NTRK3: variants seen among roughly 807,000 people sequenced by gnomAD.
NTRK3 encodes the protein neurotrophic receptor tyrosine kinase 3, also known as NT-3 growth factor receptor.
In NTRK3, 24 loss-of-function variants were observed where a neutral mutation model predicts 91.7. That is an observed-to-expected ratio of 0.26 (90% confidence interval 0.19 to 0.37). NTRK3 has a LOEUF of 0.37. NTRK3 is among the 10% of genes least tolerant of loss of function. The pLI, the probability that NTRK3 is intolerant of heterozygous loss-of-function variation, is 1.00. For missense variants in NTRK3, 880 were observed against 1,068.9 expected (o/e 0.82, Z 2.46); for synonymous variants, 483 against 404.0 (o/e 1.20, Z -2.34).
chr15:88,207,245 C>T (rs2048873508), intron 3 of NTRK3, among the ~76,000 whole-genome samples: 1 of 152,170 alleles, frequency 6.6e-6, no homozygotes, highest in African/African-American at 2.4e-5. Context: ...TCCCCAGGCA[C>T]CTGCCTCCAG....
intron 13 of NTRK3, among the ~76,000 whole-genome samples, chr15:88,039,356 C>G (rs755570576): frequency 2.8e-4 from 43 of 152,214 alleles, no homozygotes; most frequent in Admixed American, 7.9e-4. Context: ...CACAGACTCT[C>G]AATATCATAT....
intron 17 of NTRK3, among the ~76,000 whole-genome samples, chr15:87,881,150 G>A (rs1184377322): frequency 6.6e-6 from 1 of 152,168 alleles, no homozygotes; most frequent in Non-Finnish European, 1.5e-5. Context: ...AACACCCAGG[G>A]TACCCTTTAC....
At position 87,875,618 on chromosome 15, in the gene NTRK3, C is replaced by T. The variant is rs2064927268; in HGVS notation, c.*1317G>A. The T allele has an allele frequency of 1.3e-5, 3 of 232,852 alleles. No homozygotes were observed. The East Asian group carries it at 1.8e-4, about 14-fold the overall frequency. 14.4% of individuals were successfully genotyped at this position (232,852 alleles called of 1,614,324 possible). A position where few individuals can be genotyped will look rare whatever the true frequency, so the allele number is the denominator to read the frequency against. On this transcript the variant is annotated 3_prime_UTR_variant, in exon 19 of 19. Transcript: ENST00000394480. ...CTGCGTTTTCACAACAGCTCAAAGG[C>T]AGATGCATCAATCCTCCCAGGGGCT...
At chr15:87,937,968 GA>G (rs759550145) in intron 15 of NTRK3, among the ~76,000 whole-genome samples, 1,907 of 137,880 alleles carry the variant, frequency 0.014, 16 homozygotes, top group African/African-American at 0.022. Context: ...TGACAGAGAC[GA>G]AAAAAAAAAA....
chr15:88,082,912 A>G (rs1036534684), intron 13 of NTRK3, among the ~76,000 whole-genome samples: 20 of 152,166 alleles, frequency 1.3e-4, no homozygotes, highest in Non-Finnish European at 2.6e-4. Context: ...GCAAAACAAC[A>G]ACACAGAGAA....
intron 14 of NTRK3, among the ~76,000 whole-genome samples, chr15:87,995,121 T>C (rs939058827): frequency 5.3e-5 from 8 of 152,198 alleles, no homozygotes; most frequent in South Asian, 2.1e-4. Flanking sequence ...AGAACAAAAG[T>C]CCTGGAAATT....
chr15:87,990,723 C>A (rs1319912609), intron 14 of NTRK3, among the ~76,000 whole-genome samples: 2 of 152,152 alleles, frequency 1.3e-5, no homozygotes, highest in Non-Finnish European at 2.9e-5. Flanking sequence ...TCTGCCTTTG[C>A]TGTTATATTC....
intron 3 of NTRK3, among the ~76,000 whole-genome samples, chr15:88,187,347 C>A (rs970151350): frequency 3.3e-5 from 5 of 152,116 alleles, no homozygotes; most frequent in African/African-American, 1.2e-4. Flanking sequence ...GAAGATGAGG[C>A]CCTGACATTT....
At chr15:87,871,348 G>A (rs950153254) in exon 19 of NTRK3, 3 of 231,236 alleles carry the variant, frequency 1.3e-5, no homozygotes, top group African/African-American at 2.2e-5. Context: ...CAGAGCAAAA[G>A]TTCTAATACC....
intron 5 of NTRK3, among the ~76,000 whole-genome samples, chr15:88,151,364 G>C (rs972263211): frequency 1.3e-5 from 2 of 152,288 alleles, no homozygotes; most frequent in South Asian, 4.1e-4. Flanking sequence ...CAGACACACA[G>C]ATGGCTGAAC....
chr15:88,077,121 G>A (rs1209645872), intron 13 of NTRK3, among the ~76,000 whole-genome samples: 3 of 152,010 alleles, frequency 2.0e-5, no homozygotes, highest in Non-Finnish European at 4.4e-5. Flanking sequence ...ACATTTTTGA[G>A]GATGAAACTG....
At chr15:88,032,885 C>T (rs2142017976) in exon 14 of NTRK3, 1 of 1,613,820 alleles carries the variant, frequency 6.2e-7, no homozygotes, top group Non-Finnish European at 8.5e-7. Context: ...AGTTGTGTCC[C>T]TGACGGAAGT....
At chr15:87,938,074 T>G (rs1006046988) in intron 15 of NTRK3, among the ~76,000 whole-genome samples, 1 of 152,144 alleles carries the variant, frequency 6.6e-6, no homozygotes, top group Admixed American at 6.5e-5. Context: ...TGTCTAATGA[T>G]GATTTCAGAG....
At chr15:88,228,537 G>C (rs1409353566) in intron 3 of NTRK3, among the ~76,000 whole-genome samples, 1 of 152,056 alleles carries the variant, frequency 6.6e-6, no homozygotes, top group Admixed American at 6.6e-5. Context: ...CCTTCCTCTT[G>C]GTCAGTTGTG....
chr15:87,974,650 G>A (rs2073560387), intron 14 of NTRK3, among the ~76,000 whole-genome samples: 1 of 152,144 alleles, frequency 6.6e-6, no homozygotes, highest in Non-Finnish European at 1.5e-5. Context: ...GGCCATCATT[G>A]CTTGGGAATC....
At chr15:87,927,025 G>C (rs1050380594) in intron 17 of NTRK3, 1 of 152,146 alleles carries the variant, frequency 6.6e-6, no homozygotes, top group African/African-American at 2.4e-5. Context: ...GCCTCTCTTG[G>C]AAATGAATAA....
intron 3 of NTRK3, among the ~76,000 whole-genome samples, chr15:88,206,714 G>T (rs1031661974): frequency 6.7e-6 from 1 of 150,176 alleles, no homozygotes; most frequent in African/African-American, 2.4e-5. Context: ...TCCTGGTTCT[G>T]AGGAGAAACC....
intron 3 of NTRK3, among the ~76,000 whole-genome samples, chr15:88,185,852 G>A (rs899389426): frequency 7.2e-5 from 11 of 152,166 alleles, no homozygotes; most frequent in African/African-American, 1.9e-4. Context: ...AGAGCCACAC[G>A]GTGACAAGGT....
chr15:88,145,838 A>AC (rs1012993254), intron 6 of NTRK3, among the ~76,000 whole-genome samples: 2 of 130,138 alleles, frequency 1.5e-5, no homozygotes, highest in African/African-American at 7.0e-5. Flanking sequence ...CTTAAGAAAG[A>AC]CCACAATCAT....
Sources: gnomAD v4.1 joint callset for allele counts (sites outside exome capture counted in the v4.1 genomes callset) on GRCh38, gnomAD v4.1.1 for gene constraint, MANE v1.5 for transcripts, NCBI Gene and HGNC (gene_info 2026-07-23, HGNC 2026-07-21) for gene names.